The following PEAK1 variants were observed in gnomAD, a reference collection of about 807,000 sequenced individuals.
The protein encoded by PEAK1 is pseudopodium enriched atypical kinase 1, also known as inactive tyrosine-protein kinase PEAK1.
In PEAK1, 54 loss-of-function variants were observed where a neutral mutation model predicts 124.7. The observed-to-expected ratio is 0.43, with a 90% CI of 0.35 to 0.54. The LOEUF is 0.54. PEAK1 is among the 20% of genes least tolerant of loss of function. The probability of loss-of-function intolerance (pLI) is 0.01; values close to 1 mark genes in which losing one functional copy is unlikely to be tolerated. For synonymous variants in PEAK1, 719 were observed against 760.0 expected (o/e 0.95, Z 0.89); for missense variants, 2,046 against 2,134.5 (o/e 0.96, Z 0.82).
Position 77,180,709 on chromosome 15 carries a change from T to C in PEAK1, c.1218A>G (p.Ser406=), listed in dbSNP as rs1351508528. The change falls in exon 7 of 10, where the codon TCA becomes TCG. Residue 406 remains serine (S), a synonymous_variant. Coordinates refer to ENST00000682557, the MANE Select transcript of PEAK1 (RefSeq NM_001385026.1). ...DKDSSQASKS[S]IKVPETHKAV... Reference sequence around the variant, plus strand: ...CTTTGTGGGTCTCTGGAACTTTTATTGAGCTTTTGGAAGCCTGTGATGAAT... The same window carrying C: ...CTTTGTGGGTCTCTGGAACTTTTATCGAGCTTTTGGAAGCCTGTGATGAAT... 23 of 1,613,804 alleles carry C rather than the reference T, an allele frequency of 1.4e-5. No homozygotes were observed. Among genetic ancestry groups the C allele is most frequent in the Non-Finnish European group, 1.9e-5 (23 of 1,179,914 alleles).
Position 77,181,370 on chromosome 15 carries a change from C to G in PEAK1, c.557G>C (p.Arg186Pro). 6.2e-7 allele frequency: 1 copy of G among 1,614,058 alleles called. No homozygotes were observed. Among genetic ancestry groups the G allele is most frequent in the Non-Finnish European group, 8.5e-7 (1 of 1,179,978 alleles). ...FLGRINDCYK[R>P]SLERKLPPSC... ...TGGTGGAAGCTTTCTTTCCAATGATCGTTTATAGCAATCATTTATTCTTCC... is the reference window on the plus strand; with the variant it reads ...TGGTGGAAGCTTTCTTTCCAATGATGGTTTATAGCAATCATTTATTCTTCC... The change falls in exon 7 of 10, where the codon CGA becomes CCA. Residue 186 changes from arginine to proline, a missense_variant. Coordinates refer to ENST00000682557, the MANE Select transcript of PEAK1 (RefSeq NM_001385026.1).
At chr15:77,418,951 T>C (rs756685061) in intron 1 of PEAK1, 28 of 985,158 alleles carry the variant, frequency 2.8e-5, no homozygotes, top group African/African-American at 8.7e-5. Flanking sequence ...CTAAAAATAG[T>C]CTTTTATGTA....
chr15:77,198,272 G>C (rs540742087), intron 6 of PEAK1, among the ~76,000 whole-genome samples: 106 of 152,244 alleles, frequency 7.0e-4, no homozygotes, highest in African/African-American at 2.4e-3. Flanking sequence ...AATAAATTGT[G>C]TATTATAGTA....
chr15:77,161,580 A>G (rs561847490), intron 7 of PEAK1, among the ~76,000 whole-genome samples: 1 of 152,238 alleles, frequency 6.6e-6, no homozygotes, highest in Admixed American at 6.5e-5. Context: ...CTGCATTTAC[A>G]GTGACAGCAG....
chr15:77,289,809 C>T (rs920383955), intron 2 of PEAK1, among the ~76,000 whole-genome samples: 1 of 151,986 alleles, frequency 6.6e-6, no homozygotes, highest in Admixed American at 6.6e-5. Flanking sequence ...CCAGCCTGGG[C>T]GACAGAGCCA....
intron 2 of PEAK1, among the ~76,000 whole-genome samples, chr15:77,328,745 G>A (rs939057862): frequency 8.5e-5 from 13 of 152,112 alleles, no homozygotes; most frequent in Middle Eastern, 3.4e-3. Context: ...GAAAAGTGAT[G>A]GAAAAATTCA....
chr15:77,142,850 A>C (rs993683161), intron 8 of PEAK1, among the ~76,000 whole-genome samples: 1 of 152,200 alleles, frequency 6.6e-6, no homozygotes, highest in Non-Finnish European at 1.5e-5. Context: ...ATGGACAGTG[A>C]CTGCTAATGG....
At chr15:77,235,227 T>A (rs889827772) in intron 6 of PEAK1, among the ~76,000 whole-genome samples, 8 of 152,008 alleles carry the variant, frequency 5.3e-5, no homozygotes, top group African/African-American at 1.7e-4. Context: ...GCTGTAAAGA[T>A]ACCTGAAAAT....
rs369634376 is a variant in PEAK1 at position 77,330,123 on chromosome 15, T to C, written c.-603+35040A>G. Among the ~76,000 whole-genome samples, 29 of 152,272 alleles carry C rather than the reference T, an allele frequency of 1.9e-4. No homozygotes were observed. The East Asian group carries it at 3.1e-3, about 16-fold the overall frequency. On this transcript the variant is annotated intron_variant, in intron 2 of 9. Coordinates refer to ENST00000682557, the MANE Select transcript of PEAK1 (RefSeq NM_001385026.1). ...TTTTTTTACTGCTTTTAAAATAATA[T>C]AGAAATTTTGAAAAACATTGGTCTG... is the stretch of plus-strand genomic sequence containing the variant.
In PEAK1 at chr15:77,180,137, C is replaced by T. The variant is rs768857405; in HGVS notation, c.1790G>A (p.Ser597Asn). The T allele has an allele frequency of 3.7e-6, 6 of 1,614,004 alleles. No homozygotes were observed. The highest frequency in any genetic ancestry group is 1.7e-5 in the Admixed American group (1 of 60,006). The change falls in exon 7 of 10, where the codon AGT (serine) becomes AAT (asparagine). Residue 597 changes from serine (S) to asparagine (N), a missense_variant. Transcript: ENST00000682557. ...SPNLSEIKFN[S>N]YNNAGMPPFP... Reference sequence around the variant, plus strand: ...AGGTGGCATACCAGCATTGTTATAACTATTAAATTTAATTTCAGACAAATT... The same window carrying T: ...AGGTGGCATACCAGCATTGTTATAATTATTAAATTTAATTTCAGACAAATT...
intron 6 of PEAK1, among the ~76,000 whole-genome samples, chr15:77,201,303 T>C (rs1467740257): frequency 1.4e-5 from 2 of 140,568 alleles, no homozygotes; most frequent in Non-Finnish European, 3.0e-5. Context: ...AGTGTTGAAA[T>C]CTCAGCTCAC....
chr15:77,174,673 C>T (rs975423848), intron 7 of PEAK1, among the ~76,000 whole-genome samples: 1 of 152,108 alleles, frequency 6.6e-6, no homozygotes, highest in African/African-American at 2.4e-5. Flanking sequence ...AGTTTAATAT[C>T]TCCCAAGGTA....
At chr15:77,383,557 T>C (rs1047846329) in intron 1 of PEAK1, among the ~76,000 whole-genome samples, 5 of 152,198 alleles carry the variant, frequency 3.3e-5, no homozygotes, top group Admixed American at 3.3e-4. Flanking sequence ...ATGACATCCT[T>C]ATGCTATCGG....
intron 2 of PEAK1, chr15:77,337,617 A>G: frequency 1.0e-6 from 1 of 985,434 alleles, no homozygotes; most frequent in African/African-American, 1.7e-5. Context: ...CAAAACCTTT[A>G]CCATGGATTA....
intron 5 of PEAK1, among the ~76,000 whole-genome samples, chr15:77,253,300 A>G (rs953678886): frequency 6.6e-6 from 1 of 150,976 alleles, no homozygotes; most frequent in African/African-American, 2.4e-5. Context: ...GGATGACTGT[A>G]ATTCCATTTA....
rs559631045 is a variant in PEAK1, at chr15:77,115,797, G to A, written c.4078-478C>T. On this transcript the variant is annotated intron_variant, in intron 9 of 9. Coordinates refer to ENST00000682557, the MANE Select transcript of PEAK1 (RefSeq NM_001385026.1). ...AAAATACCTTATTTCATCACCCATC[G>A]CCCTTTGTGTCAACATCTCACAGCT... Among the ~76,000 whole-genome samples the A allele has an allele frequency of 1.3e-4, 20 of 152,240 alleles. No homozygotes were observed. The South Asian group carries it at 2.1e-3, about 16-fold the overall frequency.
chr15:77,247,319 CAGCTCTATGAT>C (rs1403965216), intron 6 of PEAK1, among the ~76,000 whole-genome samples: 1 of 151,990 alleles, frequency 6.6e-6, no homozygotes, highest in African/African-American at 2.4e-5. Flanking sequence ...AGTGTTACAT[CAGCTCTATGAT>C]AGTTATCTTT....
intron 6 of PEAK1, among the ~76,000 whole-genome samples, chr15:77,207,523 A>G (rs1215138649): frequency 1.3e-5 from 2 of 152,252 alleles, no homozygotes; most frequent in African/African-American, 4.8e-5. Flanking sequence ...AGACAAAGAC[A>G]TAGAAGAACC....
chr15:77,183,044 A>T (rs1188260506), intron 6 of PEAK1, among the ~76,000 whole-genome samples: 1 of 152,228 alleles, frequency 6.6e-6, no homozygotes. Context: ...AAAGGTAAGC[A>T]AATTATAGCC....
Sources: allele counts gnomAD v4.1 joint callset (sites outside exome capture counted in the v4.1 genomes callset), GRCh38; gene constraint gnomAD v4.1.1; transcripts MANE v1.5; gene names NCBI Gene and HGNC (gene_info 2026-07-23, HGNC 2026-07-21).